COL12A1: variants seen among roughly 807,000 people sequenced by gnomAD.
COL12A1 encodes collagen type XII alpha 1 chain.
A neutral mutation model predicts 349.7 loss-of-function variants in COL12A1; 114 were observed. The ratio of observed to expected loss-of-function variants is 0.33; its 90% confidence interval spans 0.28 to 0.38. The LOEUF (loss-of-function observed/expected upper bound fraction) is 0.38. Ranked by LOEUF, COL12A1 falls within the 10% of genes least tolerant of loss-of-function variation. The pLI is 1.00. For missense variants in COL12A1, 3,284 were observed against 3,756.9 expected (o/e 0.87, Z 3.29); for synonymous variants, 1,369 against 1,329.0 (o/e 1.03, Z -0.66).
chr6:75,191,682 T>C lies in COL12A1; in HGVS notation c.394+19A>G, dbSNP rs1450389789. The C allele has an allele frequency of 1.3e-6, 2 of 1,579,440 alleles. No homozygotes were observed. Among genetic ancestry groups the C allele is most frequent in the African/African-American group, 1.4e-5 (1 of 72,920 alleles). On this transcript the variant is annotated intron_variant, in intron 5 of 65. Coordinates refer to ENST00000322507, the MANE Select transcript of COL12A1 (RefSeq NM_004370.6). ...TGACTTCCATGAATCTAAGCAAAAA[T>C]AGTAAGAGAAACACTCACTTTGTAT...
chr6:75,189,322 C>T lies in COL12A1; in HGVS notation c.718G>A (p.Gly240Ser), dbSNP rs1769801767. The T allele has an allele frequency of 6.2e-7, 1 of 1,612,910 alleles. No individual in the cohort carries two copies. Among genetic ancestry groups the T allele is most frequent in the South Asian group, 1.1e-5 (1 of 91,018 alleles). Residue 240 changes from glycine (G) to serine (S), a missense_variant, in exon 7 of 66, where the codon GGC becomes AGC. This residue lies in a region of COL12A1 where 2,601 missense variants were observed against 2,824.8 expected (regional missense o/e 0.92). Transcript: ENST00000322507. ...ATAATAATTGCCACTTTAGGAAAGC[C>T]AACTCTTGCCCCAGCAGATTCCGTG... Reference protein sequence around the residue: ...TFTESAGARVGFPKVAIIITD... With the variant: ...TFTESAGARVSFPKVAIIITD...
intron 58 of COL12A1, among the ~76,000 whole-genome samples, chr6:75,099,195 G>A (rs1768189765): frequency 6.6e-6 from 1 of 151,954 alleles, no homozygotes; most frequent in Non-Finnish European, 1.5e-5. Flanking sequence ...TTTTACATTT[G>A]TTGGAAATAT....
intron 22 of COL12A1, 103 bp downstream of exon 22, chr6:75,148,255 C>T (rs1767301312): frequency 4.2e-6 from 5 of 1,182,986 alleles, no homozygotes; most frequent in Admixed American, 2.4e-5. Context: ...TCTGGCCCCT[C>T]TTCATCCCTC....
rs561737641 is a variant in COL12A1 at position 75,107,968 on chromosome 6, TG to T, written c.8100+1049del. ...TGAATCTAGAAGAAAATCCTGTCCATGGAAGAAAGCTAAATTAAATAAATAA... is the reference window on the plus strand; with the variant it reads ...TGAATCTAGAAGAAAATCCTGTCCATGAAGAAAGCTAAATTAAATAAATAA... On this transcript the variant is annotated intron_variant, in intron 52 of 65. Coordinates refer to ENST00000322507, the MANE Select transcript of COL12A1 (RefSeq NM_004370.6). Among the ~76,000 whole-genome samples, 22 of 152,332 alleles carry T rather than the reference TG, an allele frequency of 1.4e-4. No homozygotes were observed. The East Asian group carries it at 3.9e-3, about 27-fold the overall frequency.
chr6:75,097,483 A>T (rs1466529371), intron 58 of COL12A1, among the ~76,000 whole-genome samples, 177 bp from the exon 59 acceptor site: 2 of 152,236 alleles, frequency 1.3e-5, no homozygotes, highest in African/African-American at 2.4e-5. Flanking sequence ...TTAAAAAATT[A>T]AAAAATCTTT....
intron 17 of COL12A1, among the ~76,000 whole-genome samples, chr6:75,153,351 A>C (rs1323541896): frequency 1.3e-5 from 2 of 152,200 alleles, no homozygotes. Flanking sequence ...ACAAGCTACA[A>C]AATAAAAATA....
Position 75,086,412 on chromosome 6 carries a change from C to G in COL12A1, c.*135G>C. 1 of 635,190 alleles carries G rather than the reference C, an allele frequency of 1.6e-6. No individual in the cohort carries two copies. The highest frequency in any genetic ancestry group is 1.9e-5 in the African/African-American group (1 of 53,006). 39.3% of individuals were successfully genotyped at this position (635,190 alleles called of 1,614,324 possible). On this transcript the variant is annotated 3_prime_UTR_variant, in exon 66 of 66. Coordinates refer to ENST00000322507, the MANE Select transcript of COL12A1 (RefSeq NM_004370.6). ...TCTCCACCCTCCTTTGTGATGTCGA[C>G]CCGGTTCGTTAACCATTATCTGTGG...
At chr6:75,192,647 C>A (rs1769999951) in intron 3 of COL12A1, among the ~76,000 whole-genome samples, 2 of 152,058 alleles carry the variant, frequency 1.3e-5, no homozygotes, top group Non-Finnish European at 2.9e-5. Flanking sequence ...AAAAATCTTT[C>A]ATTGGTTTTG....
rs769552309 is a variant in COL12A1 at position 75,165,631 on chromosome 6, C to A, written c.2859G>T (p.Leu953=). The stretch of plus-strand genomic sequence containing the variant: ...TCATCGTATGAATTGCATCTTCAGG[C>A]AGATTTTTCTCTCCAGTGTCAACAT... ...YDDVDTGEKN[L]PEDAIHTMIE... is the part of the protein sequence containing the mutation. The change falls in exon 14 of 66, where the codon CTG becomes CTT. Residue 953 remains leucine (L), a synonymous_variant. Coordinates refer to ENST00000322507, the MANE Select transcript of COL12A1 (RefSeq NM_004370.6). 3.7e-6 allele frequency: 6 copies of A among 1,613,922 alleles called. No homozygotes were observed. The highest frequency in any genetic ancestry group is 5.1e-6 in the Non-Finnish European group (6 of 1,179,904).
chr6:75,092,644 ACTCCAATACC>A (rs1336156889), intron 60 of COL12A1, among the ~76,000 whole-genome samples: 2 of 150,862 alleles, frequency 1.3e-5, no homozygotes, highest in Non-Finnish European at 2.9e-5. Flanking sequence ...GCCTGAAACT[ACTCCAATACC>A]CTCCTAACTG....
At chr6:75,150,103 C>T (rs1767407907) in intron 21 of COL12A1, among the ~76,000 whole-genome samples, 1 of 152,152 alleles carries the variant, frequency 6.6e-6, no homozygotes, top group Non-Finnish European at 1.5e-5. Context: ...ATTTCTACCA[C>T]ATTGTTTCTT....
Position 75,189,553 on chromosome 6 carries a change from T to A in COL12A1, c.657A>T (p.Thr219=). The A allele has an allele frequency of 6.2e-7, 1 of 1,611,290 alleles. No individual in the cohort carries two copies. Among genetic ancestry groups the A allele is most frequent in the Non-Finnish European group, 8.5e-7 (1 of 1,178,638 alleles). Residue 219 remains threonine (T), a splice_region_variant and synonymous_variant, in exon 6 of 66, where the codon ACA becomes ACT. Coordinates refer to ENST00000322507, the MANE Select transcript of COL12A1 (RefSeq NM_004370.6). ...TTTAAAAAAATCTGTAGAACATACC[T>A]GTCATTGTGTTGCCACCTTTATATG... ...KIPYKGGNTM[T]GDAIDYLVKN...
chr6:75,094,830 G>A (rs145438871), intron 60 of COL12A1, among the ~76,000 whole-genome samples: 61 of 152,262 alleles, frequency 4.0e-4, no homozygotes, highest in Non-Finnish European at 1.5e-4. Context: ...CCAGCTCTGA[G>A]TGTTTATACA....
intron 13 of COL12A1, among the ~76,000 whole-genome samples, chr6:75,174,283 C>T (rs1016098223): frequency 6.6e-6 from 1 of 152,080 alleles, no homozygotes; most frequent in Non-Finnish European, 1.5e-5. Context: ...CTTGGCCAGG[C>T]GCGGTGGCTC....
At position 75,133,987 on chromosome 6, in the gene COL12A1, G is replaced by A. The variant is rs1327044072; in HGVS notation, c.5535C>T (p.Asn1845=). The change falls in exon 33 of 66, where the codon AAC becomes AAT. Residue 1845 remains asparagine (N), a synonymous_variant. Coordinates refer to ENST00000322507, the MANE Select transcript of COL12A1 (RefSeq NM_004370.6). ...CATACACTCTCAGGTTCCTTACAGT[G>A]TTTAGAGGTTCTGAAATGCACAGAA... The part of the protein sequence containing the change: ...MTGRGKTKPL[N]TVRNLRVYDP... 6.2e-7 allele frequency: 1 copy of A among 1,613,426 alleles called. No homozygotes were observed. Among genetic ancestry groups the A allele is most frequent in the Admixed American group, 1.7e-5 (1 of 59,928 alleles).
intron 32 of COL12A1, 135 bp downstream of exon 32, chr6:75,134,591 A>G: frequency 2.5e-6 from 2 of 802,078 alleles, no homozygotes; most frequent in East Asian, 7.0e-5. Flanking sequence ...AAAAGAAAAA[A>G]CTATTAATAT....
intron 35 of COL12A1, 78 bp from the exon 36 acceptor site, chr6:75,131,059 G>A (rs1766278937): frequency 1.9e-6 from 3 of 1,568,566 alleles, no homozygotes; most frequent in Non-Finnish European, 2.6e-6. Context: ...CATCACAATA[G>A]TATTTATAAT....
chr6:75,127,727 C>T (rs1295943685), intron 38 of COL12A1, among the ~76,000 whole-genome samples: 1 of 152,120 alleles, frequency 6.6e-6, no homozygotes, highest in East Asian at 1.9e-4. Context: ...AGCAAGCAAC[C>T]ACATTAGAGA....
chr6:75,162,762 T>C (rs1161689311), intron 14 of COL12A1, among the ~76,000 whole-genome samples: 2 of 152,136 alleles, frequency 1.3e-5, no homozygotes, highest in African/African-American at 4.8e-5. Context: ...AATCTATACA[T>C]CTGACAAAGG....
Sources: allele counts gnomAD v4.1 joint callset (sites outside exome capture counted in the v4.1 genomes callset), GRCh38; gene constraint gnomAD v4.1.1; regional missense constraint gnomAD v4.1.1; transcripts MANE v1.5; gene names NCBI Gene and HGNC (gene_info 2026-07-23, HGNC 2026-07-21).